Variants in RPS6KC1 observed in about 807,000 individuals in gnomAD.
RPS6KC1 encodes the protein inactive ribosomal protein S6 kinase delta-1.
A neutral mutation model predicts 103.8 loss-of-function variants in RPS6KC1; 54 were observed. The ratio of observed to expected loss-of-function variants is 0.52; its 90% confidence interval spans 0.42 to 0.65. RPS6KC1 has a LOEUF of 0.65. Ranked by LOEUF, RPS6KC1 falls within the 30% of genes least tolerant of loss-of-function variation. The probability of loss-of-function intolerance (pLI) is 0.00; values close to 1 mark genes in which losing one functional copy is unlikely to be tolerated. For synonymous variants in RPS6KC1, 439 were observed against 438.7 expected, an observed-to-expected ratio of 1.00 and a Z score of -0.01; for missense variants, 1,151 against 1,253.8, an observed-to-expected ratio of 0.92 and a Z score of 1.24.
chr1:213,146,169 C>G (rs1293250301), intron 6 of RPS6KC1, among the ~76,000 whole-genome samples: 1 of 150,172 alleles, frequency 6.7e-6, no homozygotes, highest in Non-Finnish European at 1.5e-5. Context: ...TGGATTATTT[C>G]ACTTAACACA....
At chr1:213,629,987 C>T in the RPS6KC1 span, among the ~76,000 whole-genome samples, 10 of 152,162 alleles carry the variant, frequency 6.6e-5, no homozygotes, top group South Asian at 2.1e-4. Flanking sequence ...TTGTGGGTAA[C>T]GTGACCTTTC....
the RPS6KC1 span, among the ~76,000 whole-genome samples, chr1:213,311,893 CT>C: frequency 0.051 from 6,483 of 127,324 alleles, 164 homozygotes; most frequent in Middle Eastern, 0.11. Context: ...TCAGGAGGAT[CT>C]TTTTTTTTTT....
the RPS6KC1 span, among the ~76,000 whole-genome samples, chr1:213,836,702 A>G: frequency 4.6e-5 from 7 of 152,166 alleles, no homozygotes; most frequent in South Asian, 2.1e-4. Flanking sequence ...AATACCTACT[A>G]TTGCCATATG....
At chr1:213,720,118 A>T in the RPS6KC1 span, among the ~76,000 whole-genome samples, 1 of 152,190 alleles carries the variant, frequency 6.6e-6, no homozygotes, top group Admixed American at 6.5e-5. Flanking sequence ...GGGTGGATCA[A>T]AGTCGTGGTG....
chr1:213,691,847 C>A, the RPS6KC1 span, among the ~76,000 whole-genome samples: 1 of 152,114 alleles, frequency 6.6e-6, no homozygotes, highest in African/African-American at 2.4e-5. Flanking sequence ...CTTCCGCAAG[C>A]AGGAGGCAGT....
At chr1:213,403,454 G>A in the RPS6KC1 span, among the ~76,000 whole-genome samples, 1 of 152,084 alleles carries the variant, frequency 6.6e-6, no homozygotes, top group African/African-American at 2.4e-5. Flanking sequence ...CCTCTGTTAC[G>A]AGCCTTGGCT....
At chr1:213,820,924 A>G in the RPS6KC1 span, 1 of 152,048 alleles carries the variant, frequency 6.6e-6, no homozygotes, top group East Asian at 1.9e-4. Flanking sequence ...TCATCCCCCA[A>G]AAACACCCGC....
chr1:213,732,233 GACA>G, the RPS6KC1 span, among the ~76,000 whole-genome samples: 5 of 152,170 alleles, frequency 3.3e-5, no homozygotes, highest in Non-Finnish European at 5.9e-5. Flanking sequence ...AGGAGGAGAG[GACA>G]ACATTTTCCC....
the RPS6KC1 span, among the ~76,000 whole-genome samples, chr1:213,350,519 T>C: frequency 3.5e-3 from 527 of 152,252 alleles, 5 homozygotes; most frequent in African/African-American, 0.012. Context: ...AGAATCAGAT[T>C]TCCCAAAAGT....
the RPS6KC1 span, among the ~76,000 whole-genome samples, chr1:213,683,268 A>T: frequency 6.6e-6 from 1 of 152,106 alleles, no homozygotes; most frequent in Non-Finnish European, 1.5e-5. Flanking sequence ...TAGGAACTGA[A>T]TCTCCTCAGT....
At chr1:213,378,267 T>C in the RPS6KC1 span, among the ~76,000 whole-genome samples, 1 of 152,268 alleles carries the variant, frequency 6.6e-6, no homozygotes, top group Non-Finnish European at 1.5e-5. Context: ...CAAGGAATTA[T>C]GCCATGTGAC....
At chr1:213,130,124 A>T (rs529369711) in intron 6 of RPS6KC1, among the ~76,000 whole-genome samples, 2 of 152,188 alleles carry the variant, frequency 1.3e-5, no homozygotes, top group African/African-American at 2.4e-5. Context: ...AACAGGATTT[A>T]AAAAAAAGTC....
At chr1:213,215,646 T>C (rs2093639287) in intron 8 of RPS6KC1, among the ~76,000 whole-genome samples, 1 of 152,114 alleles carries the variant, frequency 6.6e-6, no homozygotes, top group Non-Finnish European at 1.5e-5. Context: ...GGGTTACCCA[T>C]GAAGGGAAGC....
At chr1:213,261,775 G>A in intron 13 of RPS6KC1, 135 bp downstream of exon 13, 1 of 690,736 alleles carries the variant, frequency 1.4e-6, no homozygotes, top group Non-Finnish European at 2.4e-6. Context: ...AGCAAGTAGA[G>A]AAATGCAAGT....
the RPS6KC1 span, among the ~76,000 whole-genome samples, chr1:213,360,443 T>C: frequency 6.6e-6 from 1 of 152,230 alleles, no homozygotes; most frequent in Non-Finnish European, 1.5e-5. Context: ...TTGGTTATTC[T>C]AGTTAGCCAT....
chr1:213,077,971 T>C (rs562025392), intron 3 of RPS6KC1, among the ~76,000 whole-genome samples, 155 bp downstream of exon 3: 93 of 152,328 alleles, frequency 6.1e-4, no homozygotes, highest in African/African-American at 2.1e-3. Flanking sequence ...TTTCTTGTTC[T>C]TGTTATAGTT....
the RPS6KC1 span, among the ~76,000 whole-genome samples, chr1:213,738,143 A>C: frequency 6.6e-6 from 1 of 152,194 alleles, no homozygotes; most frequent in African/African-American, 2.4e-5. Flanking sequence ...AATTTTAGTT[A>C]TTTATACACA....
Position 213,111,804 on chromosome 1 carries a change from G to C in RPS6KC1, c.379-5513G>C, listed in dbSNP as rs925569093. On this transcript the variant is annotated intron_variant, in intron 4 of 14. Transcript: ENST00000366960. ...TGTTTTAACATTAACTTTATCTTTT[G>C]ACATTCTCTAGAATACTTGGAAATC... is the stretch of plus-strand genomic sequence containing the variant. Among the ~76,000 whole-genome samples, 4 of 152,182 alleles carry C rather than the reference G, an allele frequency of 2.6e-5. No individual in the cohort carries two copies. In the East Asian group the frequency reaches 7.7e-4, roughly 29 times the overall value.
chr1:213,780,698 C>T, the RPS6KC1 span, among the ~76,000 whole-genome samples: 7 of 152,034 alleles, frequency 4.6e-5, no homozygotes, highest in African/African-American at 1.2e-4. Flanking sequence ...GATGGCACTT[C>T]GGGGAGGGAT....
Sources: allele counts gnomAD v4.1 joint callset (sites outside exome capture counted in the v4.1 genomes callset), GRCh38; gene constraint gnomAD v4.1.1; transcripts MANE v1.5; gene names NCBI Gene and HGNC (gene_info 2026-07-23, HGNC 2026-07-21).